Variants in KCNT1 observed in about 807,000 individuals in gnomAD.
The protein encoded by KCNT1 is potassium sodium-activated channel subfamily T member 1, also known as potassium channel subfamily T member 1.
KCNT1 carries 78 observed loss-of-function variants against 147.8 expected under a neutral mutation model. The ratio of observed to expected loss-of-function variants is 0.53; its 90% confidence interval spans 0.44 to 0.64. The LOEUF is 0.64. Ranked by LOEUF, KCNT1 falls within the 30% of genes least tolerant of loss-of-function variation. The pLI, the probability that KCNT1 is intolerant of heterozygous loss-of-function variation, is 0.00. For missense variants in KCNT1, 1,419 were observed against 1,750.3 expected (o/e 0.81, Z 3.38); for synonymous variants, 867 against 748.8 (o/e 1.16, Z -2.58).
intron 2 of KCNT1, among the ~76,000 whole-genome samples, chr9:135,719,613 C>T (rs775775989): frequency 4.5e-4 from 69 of 152,310 alleles, no homozygotes; most frequent in Non-Finnish European, 8.4e-4. Flanking sequence ...CTGGAGGCAA[C>T]GTCAGGGTCG....
rs1241845951 is a variant in KCNT1, at chr9:135,792,644, G to C, written c.*483G>C. 6.3e-6 allele frequency: 1 copy of C among 158,818 alleles called. No individual in the cohort carries two copies. Among genetic ancestry groups the C allele is most frequent in the East Asian group, 1.9e-4 (1 of 5,278 alleles). 9.8% of individuals were successfully genotyped at this position (158,818 alleles called of 1,614,324 possible). On this transcript the variant is annotated 3_prime_UTR_variant, in exon 31 of 31. Transcript: ENST00000371757. The stretch of plus-strand genomic sequence containing the variant: ...CTTGCAGCCAAGGGCTGGGGGCCAG[G>C]GCTGCTGTTCTGCACTCTGGGGTGG...
Position 135,794,224 on chromosome 9 carries a change from G to A in KCNT1, c.*2063G>A, listed in dbSNP as rs1404497988. ...CGCATGACTTATTCGGGATTGACTT[G>A]CGATGTGGATGGTGTTCCCGGAGTC... On this transcript the variant is annotated 3_prime_UTR_variant, in exon 31 of 31. Transcript: ENST00000371757. 1 of 152,360 alleles carries A rather than the reference G, an allele frequency of 6.6e-6. No individual in the cohort carries two copies. Among genetic ancestry groups the A allele is most frequent in the Non-Finnish European group, 1.5e-5 (1 of 68,156 alleles). 9.4% of individuals were successfully genotyped at this position (152,360 alleles called of 1,614,324 possible). A position where few individuals can be genotyped will look rare whatever the true frequency, so the allele number is the denominator to read the frequency against.
At chr9:135,765,288 C>A in intron 12 of KCNT1, 93 bp downstream of exon 12, 1 of 1,256,262 alleles carries the variant, frequency 8.0e-7, no homozygotes. Flanking sequence ...GTCCCTGAGT[C>A]CTCTCAGCCT....
intron 15 of KCNT1, among the ~76,000 whole-genome samples, chr9:135,769,331 G>T (rs536119976): frequency 2.0e-5 from 3 of 152,124 alleles, no homozygotes; most frequent in African/African-American, 4.8e-5. Flanking sequence ...CGGTGTGTCT[G>T]GGGCAGGGCG....
Position 135,749,704 on chromosome 9 carries a change from T to C in KCNT1, c.255-394T>C, listed in dbSNP as rs113152316. ...TACGGCATGTTCTGAGCACTTGCGG[T>C]GTCCTGAGCACCATCCCCAGGGCCA... On this transcript the variant is annotated intron_variant, in intron 2 of 30. Coordinates refer to ENST00000371757, the MANE Select transcript of KCNT1 (RefSeq NM_020822.3). Among the ~76,000 whole-genome samples, 369 of 152,330 alleles carry C rather than the reference T, an allele frequency of 2.4e-3. 1 individual carries two copies. The highest frequency in any genetic ancestry group is 8.3e-3 in the African/African-American group (347 of 41,582).
intron 2 of KCNT1, among the ~76,000 whole-genome samples, chr9:135,740,145 T>C (rs10858158): frequency 2.6e-5 from 4 of 152,068 alleles, no homozygotes; most frequent in Admixed American, 1.3e-4. Context: ...TGGCCTCACT[T>C]TACCTTAATG....
At chr9:135,758,326 GC>G in intron 9 of KCNT1, 87 bp from the exon 10 acceptor site, 1 of 984,902 alleles carries the variant, frequency 1.0e-6, no homozygotes, top group South Asian at 1.3e-5. Context: ...CGGGCCGTCT[GC>G]TTTCCACTGT....
Position 135,702,250 on chromosome 9 carries a change from C to T in KCNT1, c.-9C>T. On this transcript the variant is annotated 5_prime_UTR_variant, in exon 1 of 31. Transcript: ENST00000371757. ...TCTCCCTCGGGTCGGGTCCGAGCTG[C>T]CAGGCCGCATGCCACTCCCTGACGG... is the stretch of plus-strand genomic sequence containing the variant. 1.2e-6 allele frequency: 2 copies of T among 1,603,552 alleles called. No individual in the cohort carries two copies. The highest frequency in any genetic ancestry group is 1.7e-6 in the Non-Finnish European group (2 of 1,173,168).
intron 2 of KCNT1, among the ~76,000 whole-genome samples, chr9:135,719,006 C>T (rs1835823437): frequency 6.6e-6 from 1 of 152,232 alleles, no homozygotes; most frequent in Non-Finnish European, 1.5e-5. Flanking sequence ...TGGACCCTCA[C>T]CACTGCTTAC....
At chr9:135,746,676 A>C (rs531915279) in intron 2 of KCNT1, among the ~76,000 whole-genome samples, 2 of 152,038 alleles carry the variant, frequency 1.3e-5, no homozygotes, top group African/African-American at 4.8e-5. Flanking sequence ...GAGGAGCAGG[A>C]GCTCCTTGGA....
intron 16 of KCNT1, 46 bp from the exon 17 acceptor site, chr9:135,770,252 G>T: frequency 6.4e-7 from 1 of 1,552,262 alleles, no homozygotes; most frequent in Non-Finnish European, 8.7e-7. Context: ...AGAAGGGGCA[G>T]CCATGGCCGA....
rs755787639 is a variant in KCNT1 at position 135,770,920 on chromosome 9, G to T, written c.1833G>T (p.Gly611=). The change falls in exon 18 of 31, where the codon GGG becomes GGT. Residue 611 remains glycine (G), a synonymous_variant. Transcript: ENST00000371757. ...EDNKSILLNP[G]PRHILAASDT... ...ACAAGAGCATCCTGCTGAACCCGGGGCCCCGGCACATCCTGGCCGCCTCTG... is the reference window on the plus strand; with the variant it reads ...ACAAGAGCATCCTGCTGAACCCGGGTCCCCGGCACATCCTGGCCGCCTCTG... 4 of 1,611,320 alleles carry T rather than the reference G, an allele frequency of 2.5e-6. No homozygotes were observed. In the South Asian group the frequency reaches 4.4e-5, roughly 18 times the overall value.
intron 2 of KCNT1, among the ~76,000 whole-genome samples, chr9:135,732,024 A>AGAGAGAGAGAGAGAGAGAGGGAGG (rs1554766187): frequency 1.2e-4 from 8 of 65,114 alleles, no homozygotes; most frequent in Admixed American, 3.2e-4. Flanking sequence ...AGAGAGAGAG[A>AGAGAGAGAGAGAGAGAGAGGGAGG]GAGAGAGAGA....
chr9:135,759,893 C>T (rs763333878), intron 11 of KCNT1, 34 bp downstream of exon 11: 9 of 1,560,268 alleles, frequency 5.8e-6, no homozygotes, highest in Non-Finnish European at 2.6e-6. Flanking sequence ...TGGGTGGCAC[C>T]AGCAAAGGGA....
intron 25 of KCNT1, 25 bp downstream of exon 25, chr9:135,784,150 G>A: frequency 6.3e-7 from 1 of 1,578,384 alleles, no homozygotes; most frequent in Non-Finnish European, 8.6e-7. Context: ...GGCAGCAGGA[G>A]GGTGGCGCCT....
chr9:135,773,249 G>T (rs1474852200), intron 19 of KCNT1, among the ~76,000 whole-genome samples: 6 of 152,174 alleles, frequency 3.9e-5, no homozygotes. Context: ...CAGCTCACTG[G>T]CACAGGGGCT....
In KCNT1 at chr9:135,772,774, G is replaced by A. The variant is rs1410497158; in HGVS notation, c.2068G>A (p.Gly690Ser). ...CCGGCCTACGCAGAGCGGCGGTGGG[G>A]GCGGGGGCAGCAAGCTGGCACTGCC... ...EHRPTQSGGG[G>S]GGSKLALPTE... The change falls in exon 19 of 31, where the codon GGC (glycine) becomes AGC (serine). Residue 690 changes from glycine to serine, a missense_variant. By Grantham distance (56) the Gly-to-Ser change is moderately conservative. Coordinates refer to ENST00000371757, the MANE Select transcript of KCNT1 (RefSeq NM_020822.3). 4 of 1,486,510 alleles carry A rather than the reference G, an allele frequency of 2.7e-6. No homozygotes were observed. The highest frequency in any genetic ancestry group is 3.6e-6 in the Non-Finnish European group (4 of 1,115,890). 92.1% of individuals were successfully genotyped at this position (1,486,510 alleles called of 1,614,324 possible). A position where few individuals can be genotyped will look rare whatever the true frequency, so the allele number is the denominator to read the frequency against.
In KCNT1 at chr9:135,791,788, C is replaced by T; in HGVS notation, c.3503-9C>T. ...GGGGGTGACGTCTGCCCGGCTGTGT[C>T]CTTTGCAGACGAGATGAACGACCAC... is the stretch of plus-strand genomic sequence containing the variant. On this transcript the variant is annotated splice_polypyrimidine_tract_variant and intron_variant, in intron 29 of 30. Coordinates refer to ENST00000371757, the MANE Select transcript of KCNT1 (RefSeq NM_020822.3). The T allele has an allele frequency of 6.2e-7, 1 of 1,613,128 alleles. No homozygotes were observed. The highest frequency in any genetic ancestry group is 2.2e-5 in the East Asian group (1 of 44,862).
intron 29 of KCNT1, chr9:135,788,119 A>T (rs1834213585): frequency 6.2e-7 from 1 of 1,612,280 alleles, no homozygotes; most frequent in Non-Finnish European, 8.5e-7. Context: ...CAAATTTAAC[A>T]GCCAGTGATG....
Sources: gnomAD v4.1 joint callset for allele counts (sites outside exome capture counted in the v4.1 genomes callset) on GRCh38, gnomAD v4.1.1 for gene constraint, MANE v1.5 for transcripts, NCBI Gene and HGNC (gene_info 2026-07-23, HGNC 2026-07-21) for gene names.